Variants in NQO2 observed in about 807,000 individuals in gnomAD.
NQO2 encodes the protein ribosyldihydronicotinamide dehydrogenase [quinone].
NQO2 carries 18 observed loss-of-function variants against 22.0 expected under a neutral mutation model. The ratio of observed to expected loss-of-function variants is 0.82; its 90% confidence interval spans 0.56 to 1.21. The LOEUF (loss-of-function observed/expected upper bound fraction) is 1.21, where lower values mean the gene tolerates loss of function less well. NQO2 is among the 50% of genes most tolerant of loss of function. NQO2 has a pLI of 0.00. For synonymous variants in NQO2, 106 were observed against 110.8 expected (o/e 0.96, Z 0.28); for missense variants, 267 against 286.9 (o/e 0.93, Z 0.50).
At chr6:3,015,494 G>T in intron 4 of NQO2, 36 bp from the exon 5 acceptor site, 1 of 1,605,680 alleles carries the variant, frequency 6.2e-7, no homozygotes, top group Non-Finnish European at 8.5e-7. Flanking sequence ...GAGGCGAGCC[G>T]CAGCCTCAGT....
At chr6:3,009,600 A>G (rs1405643158) in intron 2 of NQO2, among the ~76,000 whole-genome samples, 1 of 152,268 alleles carries the variant, frequency 6.6e-6, no homozygotes, top group Non-Finnish European at 1.5e-5. Flanking sequence ...CAGAGATTGC[A>G]GTAAAGACAG....
Position 3,018,311 on chromosome 6 carries a change from G to A in NQO2, c.520-1168G>A, listed in dbSNP as rs566201587. Among the ~76,000 whole-genome samples, 26 of 152,290 alleles carry A rather than the reference G, an allele frequency of 1.7e-4. No individual in the cohort carries two copies. In the East Asian group the frequency reaches 5.0e-3, roughly 29 times the overall value. On this transcript the variant is annotated intron_variant, in intron 6 of 6. Transcript: ENST00000380455. ...ACCTGAGGTCAGGAGTTTGAGACCA[G>A]CCTGGCCAACATGGCGAAACCCCAT... is the stretch of plus-strand genomic sequence containing the variant.
intron 1 of NQO2, chr6:3,000,388 C>T: frequency 6.6e-6 from 1 of 152,582 alleles, no homozygotes; most frequent in Non-Finnish European, 1.5e-5. Flanking sequence ...AAAGGGGGTA[C>T]CGGGGTTTAG....
chr6:3,012,521 A>G, intron 3 of NQO2, 23 bp from the exon 4 acceptor site: 1 of 1,613,694 alleles, frequency 6.2e-7, no homozygotes, highest in South Asian at 1.1e-5. Context: ...AGGAGTGAGA[A>G]TGTTTGGCCT....
At chr6:3,017,679 C>T (rs994663689) in intron 6 of NQO2, among the ~76,000 whole-genome samples, 4 of 152,220 alleles carry the variant, frequency 2.6e-5, no homozygotes, top group Non-Finnish European at 5.9e-5. Flanking sequence ...CGAAGGAACC[C>T]CTGGTGAGGG....
intron 1 of NQO2, among the ~76,000 whole-genome samples, chr6:3,001,581 A>C (rs1048956492): frequency 4.6e-5 from 7 of 152,218 alleles, no homozygotes; most frequent in Non-Finnish European, 8.8e-5. Context: ...TGGGCACAAA[A>C]GGGTATGCAG....
chr6:3,009,886 C>G (rs1411575238), intron 2 of NQO2, 139 bp from the exon 3 acceptor site: 19 of 1,405,352 alleles, frequency 1.4e-5, no homozygotes, highest in Non-Finnish European at 2.8e-6. Flanking sequence ...GAGAAAGAGA[C>G]AGAAAGAAAA....
rs1756950131 is a variant in NQO2, at chr6:3,006,389, A to G, written c.-85-79A>G. 3.5e-6 allele frequency: 5 copies of G among 1,440,740 alleles called. No homozygotes were observed. The highest frequency in any genetic ancestry group is 1.5e-5 in the South Asian group (1 of 65,364). 89.2% of individuals were successfully genotyped at this position (1,440,740 alleles called of 1,614,324 possible). On this transcript the variant is annotated intron_variant, in intron 1 of 6. Coordinates refer to ENST00000380455, the MANE Select transcript of NQO2 (RefSeq NM_000904.6). The surrounding 1 kb of genome is among the most constrained non-coding windows in gnomAD (Gnocchi z 4.0). ...TGTGTTTGCGTGTCTGTCAGGAAGC[A>G]GCAGTGATGCCTAGATGTGGTACAT...
chr6:3,005,943 C>G, intron 1 of NQO2: 1 of 307,394 alleles, frequency 3.3e-6, no homozygotes, highest in Non-Finnish European at 4.8e-6. Context: ...CTCTGCTCCT[C>G]TGGCCTCCGC....
intron 5 of NQO2, among the ~76,000 whole-genome samples, chr6:3,016,134 A>C (rs939310313): frequency 1.3e-5 from 2 of 152,178 alleles, no homozygotes; most frequent in Non-Finnish European, 2.9e-5. Context: ...TTCTTACTAA[A>C]ACAATGATTT....
Position 3,019,509 on chromosome 6 carries a change from G to A in NQO2, c.550G>A (p.Val184Ile). The change falls in exon 7 of 7, where the codon GTC becomes ATC. Residue 184 changes from valine (V) to isoleucine (I), a missense_variant. By Grantham distance (29) the Val-to-Ile change is conservative. Coordinates refer to ENST00000380455, the MANE Select transcript of NQO2 (RefSeq NM_000904.6). The stretch of plus-strand genomic sequence containing the variant: ...CACATTACACTTCTGTGGATTTAAA[G>A]TCCTTGCCCCTCAGATCAGCTTTGC... ...HGTLHFCGFK[V>I]LAPQISFAPE... 1 of 1,614,076 alleles carries A rather than the reference G, an allele frequency of 6.2e-7. No individual in the cohort carries two copies. The highest frequency in any genetic ancestry group is 8.5e-7 in the Non-Finnish European group (1 of 1,179,990).
intron 1 of NQO2, chr6:3,000,392 G>A (rs1057436248): frequency 6.6e-6 from 1 of 152,408 alleles, no homozygotes; most frequent in African/African-American, 2.4e-5. Context: ...GGGGTACCGG[G>A]GTTTAGGCCC....
intron 2 of NQO2, among the ~76,000 whole-genome samples, chr6:3,007,388 A>C (rs1756989124): frequency 6.6e-6 from 1 of 152,218 alleles, no homozygotes; most frequent in South Asian, 2.1e-4. Flanking sequence ...CTTTATTGAA[A>C]CAAGAGTCTG....
At chr6:3,007,519 C>T (rs1756993515) in intron 2 of NQO2, among the ~76,000 whole-genome samples, 2 of 151,784 alleles carry the variant, frequency 1.3e-5, no homozygotes, top group African/African-American at 4.9e-5. Flanking sequence ...CTTAAAGTGT[C>T]ATTATGAAAA....
intron 4 of NQO2, chr6:3,015,045 G>C: frequency 8.1e-7 from 1 of 1,238,380 alleles, no homozygotes; most frequent in South Asian, 1.3e-5. Context: ...GCATCTATGG[G>C]ATAGGGAGAT....
chr6:3,015,135 G>T, intron 4 of NQO2: 1 of 1,299,258 alleles, frequency 7.7e-7, no homozygotes, highest in South Asian at 1.2e-5. Context: ...AACTCAGTCT[G>T]ACTTCCAGAT....
At chr6:3,008,839 G>T (rs942029131) in intron 2 of NQO2, among the ~76,000 whole-genome samples, 3 of 152,180 alleles carry the variant, frequency 2.0e-5, no homozygotes, top group South Asian at 2.1e-4. Context: ...GTTTTTATTA[G>T]TGATTTTCCA....
chr6:3,015,487 G>A, intron 4 of NQO2, 43 bp from the exon 5 acceptor site: 1 of 1,603,406 alleles, frequency 6.2e-7, no homozygotes, highest in Non-Finnish European at 8.5e-7. Flanking sequence ...GAAACCTGAG[G>A]CGAGCCGCAG....
chr6:3,009,973 T>TTCATTGAA, intron 2 of NQO2, 52 bp from the exon 3 acceptor site: 3 of 1,555,634 alleles, frequency 1.9e-6, no homozygotes, highest in Non-Finnish European at 2.6e-6. Flanking sequence ...TTCATTGAAT[T>TTCATTGAA]TAACAGAGAG....
Sources: allele counts gnomAD v4.1 joint callset (sites outside exome capture counted in the v4.1 genomes callset), GRCh38; gene constraint gnomAD v4.1.1; non-coding constraint Gnocchi (gnomAD v3.1); transcripts MANE v1.5; gene names NCBI Gene and HGNC (gene_info 2026-07-23, HGNC 2026-07-21).